The following EDNRA variants were observed in gnomAD, a reference collection of about 807,000 sequenced individuals.
The protein encoded by EDNRA is endothelin-1 receptor.
Under a neutral mutation model 41.4 loss-of-function variants are expected in EDNRA, and 11 were observed. The ratio of observed to expected loss-of-function variants is 0.27; its 90% confidence interval spans 0.17 to 0.44. The LOEUF (loss-of-function observed/expected upper bound fraction) is 0.44, where lower values mean the gene tolerates loss of function less well. Among genes scored for constraint, EDNRA ranks in the 20% least tolerant of loss-of-function variants. The pLI is 1.00. For missense variants in EDNRA, 294 were observed against 531.0 expected, an observed-to-expected ratio of 0.55 and a Z score of 4.39; for synonymous variants, 172 against 183.0, an observed-to-expected ratio of 0.94 and a Z score of 0.49.
intron 2 of EDNRA, among the ~76,000 whole-genome samples, chr4:147,497,149 CTTTTTTTTT>C (rs11330586): frequency 5.3e-4 from 40 of 75,058 alleles, no homozygotes; most frequent in Admixed American, 1.7e-3. Context: ...TAGAATTCTT[CTTTTTTTTT>C]TTTTTTTTTT....
At chr4:147,504,540 C>A (rs1032756245) in intron 2 of EDNRA, among the ~76,000 whole-genome samples, 7 of 152,250 alleles carry the variant, frequency 4.6e-5, no homozygotes, top group African/African-American at 1.4e-4. Flanking sequence ...TTTGTAATTT[C>A]TCTGCTGCTT....
chr4:147,482,751 T>G (rs1052621076), intron 1 of EDNRA, among the ~76,000 whole-genome samples: 1 of 152,142 alleles, frequency 6.6e-6, no homozygotes, highest in African/African-American at 2.4e-5. Context: ...CTCTCATGCC[T>G]TAAGAACCCA....
chr4:147,532,798 A>T, intron 4 of EDNRA, 94 bp downstream of exon 4: 1 of 1,313,800 alleles, frequency 7.6e-7, no homozygotes, highest in Non-Finnish European at 1.1e-6. Flanking sequence ...CCACAATGTC[A>T]AGTGTGGTTT....
chr4:147,535,905 T>C lies in EDNRA; in HGVS notation c.776T>C (p.Leu259Pro), dbSNP rs1730903469. 1 of 1,613,828 alleles carries C rather than the reference T, an allele frequency of 6.2e-7. No individual in the cohort carries two copies. Among genetic ancestry groups the C allele is most frequent in the Non-Finnish European group, 8.5e-7 (1 of 1,179,868 alleles). Reference sequence around the variant, plus strand: ...TACCAAGATGTAAAGGACTGGTGGCTCTTCGGGTTCTATTTCTGTATGCCC... The same window carrying C: ...TACCAAGATGTAAAGGACTGGTGGCCCTTCGGGTTCTATTTCTGTATGCCC... ...EFYQDVKDWW[L>P]FGFYFCMPLV... Residue 259 changes from leucine (L) to proline (P), a missense_variant, in exon 5 of 8, where the codon CTC becomes CCC. By Grantham distance (98) the Leu-to-Pro change is moderately conservative (BLOSUM62 -3). Coordinates refer to ENST00000651419, the MANE Select transcript of EDNRA (RefSeq NM_001957.4).
In EDNRA at chr4:147,544,122, G is replaced by C. The variant is rs200877162; in HGVS notation, c.*1504G>C. The C allele has an allele frequency of 2.6e-5, 4 of 152,568 alleles. No homozygotes were observed. Among genetic ancestry groups the C allele is most frequent in the Non-Finnish European group, 5.9e-5 (4 of 68,042 alleles). The allele number at this position is 152,568 out of a possible 1,614,324, so 9.5% of individuals were successfully genotyped here. On this transcript the variant is annotated 3_prime_UTR_variant, in exon 8 of 8. Transcript: ENST00000651419. ...ATGGATTTAATCTAATCTAATAATTGTGCCCCGCAGTTGTGCCAAAGTGCA... is the reference window on the plus strand; with the variant it reads ...ATGGATTTAATCTAATCTAATAATTCTGCCCCGCAGTTGTGCCAAAGTGCA...
chr4:147,527,864 C>G (rs937759437), intron 3 of EDNRA, among the ~76,000 whole-genome samples: 1 of 152,192 alleles, frequency 6.6e-6, no homozygotes, highest in African/African-American at 2.4e-5. Flanking sequence ...CCCAGGTTCA[C>G]TGGAGACCAG....
chr4:147,500,369 T>G (rs995897516), intron 2 of EDNRA, among the ~76,000 whole-genome samples: 1 of 152,216 alleles, frequency 6.6e-6, no homozygotes, highest in Non-Finnish European at 1.5e-5. Flanking sequence ...TATGTGTGTA[T>G]GCATACATGT....
intron 2 of EDNRA, chr4:147,495,364 T>C (rs1729269420): frequency 6.6e-6 from 1 of 152,214 alleles, no homozygotes; most frequent in Non-Finnish European, 1.5e-5. Context: ...ATCATTTCCT[T>C]TATCTTCTCC....
chr4:147,487,013 A>C (rs1390112506), intron 2 of EDNRA, among the ~76,000 whole-genome samples: 1 of 152,048 alleles, frequency 6.6e-6, no homozygotes, highest in Non-Finnish European at 1.5e-5. Context: ...TGAGGGCCTC[A>C]GGAAGCTTCC....
intron 1 of EDNRA, among the ~76,000 whole-genome samples, chr4:147,484,167 G>T (rs1560889820): frequency 6.6e-6 from 1 of 152,020 alleles, no homozygotes; most frequent in Admixed American, 6.6e-5. Context: ...ATTGAAATAG[G>T]ATGAGCTATT....
intron 2 of EDNRA, among the ~76,000 whole-genome samples, chr4:147,497,676 A>G (rs1204001849): frequency 6.6e-6 from 1 of 151,810 alleles, no homozygotes; most frequent in African/African-American, 2.4e-5. Flanking sequence ...GGTTCACACC[A>G]TTCTCCTGCC....
chr4:147,485,622 A>C lies in EDNRA; in HGVS notation c.-60A>C. On this transcript the variant is annotated 5_prime_UTR_variant, in exon 2 of 8. Transcript: ENST00000651419. ...TTCCTTTTGTTTCAGGTGAAAAAAA[A>C]GTGAAGGTGTAAAAGCAGCACAAGT... The C allele has an allele frequency of 4.7e-6, 7 of 1,504,262 alleles. No homozygotes were observed. Among genetic ancestry groups the C allele is most frequent in the Non-Finnish European group, 5.3e-6 (6 of 1,124,736 alleles). 93.2% of individuals were successfully genotyped at this position (1,504,262 alleles called of 1,614,324 possible).
chr4:147,542,731 C>A lies in EDNRA; in HGVS notation c.*113C>A. Reference sequence around the variant, plus strand: ...TGATCCTTCTTCCTTAATTCACTCCCACACCCAAGAAGAAATGCTTTCCAA... The same window carrying A: ...TGATCCTTCTTCCTTAATTCACTCCAACACCCAAGAAGAAATGCTTTCCAA... On this transcript the variant is annotated 3_prime_UTR_variant, in exon 8 of 8. Transcript: ENST00000651419. The A allele has an allele frequency of 1.4e-6, 2 of 1,385,988 alleles. No individual in the cohort carries two copies. The highest frequency in any genetic ancestry group is 1.5e-5 in the South Asian group (1 of 67,666). The allele number at this position is 1,385,988 out of a possible 1,614,324, so 85.9% of individuals were successfully genotyped here.
intron 2 of EDNRA, chr4:147,490,105 A>G (rs1480104808): frequency 2.0e-5 from 3 of 151,858 alleles, no homozygotes; most frequent in African/African-American, 7.3e-5. Flanking sequence ...GAAATAACCC[A>G]AAAGATGAAA....
intron 2 of EDNRA, chr4:147,487,910 A>G (rs780009656): frequency 6.6e-6 from 1 of 152,398 alleles, no homozygotes; most frequent in African/African-American, 2.4e-5. Flanking sequence ...CATATGCTAC[A>G]TAACTTTAAT....
chr4:147,502,162 C>G (rs543383894), intron 2 of EDNRA, among the ~76,000 whole-genome samples: 1 of 152,232 alleles, frequency 6.6e-6, no homozygotes, highest in South Asian at 2.1e-4. Context: ...GTCACTGAAT[C>G]AAATGCCCAG....
intron 2 of EDNRA, chr4:147,495,559 CAGA>C (rs1366165059): frequency 3.3e-5 from 5 of 152,114 alleles, no homozygotes; most frequent in Non-Finnish European, 7.3e-5. Context: ...GGTCAACTGA[CAGA>C]AGGAGAGCCA....
chr4:147,513,370 T>C lies in EDNRA; in HGVS notation c.421-6481T>C, dbSNP rs10305891. On this transcript the variant is annotated intron_variant, in intron 2 of 7. Coordinates refer to ENST00000651419, the MANE Select transcript of EDNRA (RefSeq NM_001957.4). ...GGATAGGGAGAGGCCATAGCTTTTA[T>C]GACATTTGTATGAATGCTCTGTCTC... Among the ~76,000 whole-genome samples, 80 of 152,374 alleles carry C rather than the reference T, an allele frequency of 5.3e-4. 2 individuals are homozygous for C. The South Asian group carries it at 0.013, about 24-fold the overall frequency.
At chr4:147,513,436 A>G (rs1230711166) in intron 2 of EDNRA, among the ~76,000 whole-genome samples, 1 of 152,200 alleles carries the variant, frequency 6.6e-6, no homozygotes, top group Non-Finnish European at 1.5e-5. Context: ...AACAAAATCT[A>G]TTCTTGGTCA....
Sources: allele counts gnomAD v4.1 joint callset (sites outside exome capture counted in the v4.1 genomes callset), GRCh38; gene constraint gnomAD v4.1.1; transcripts MANE v1.5; gene names NCBI Gene and HGNC (gene_info 2026-07-23, HGNC 2026-07-21).